EPPK1: variants seen among roughly 807,000 people sequenced by gnomAD.
EPPK1 encodes epiplakin.
For missense variants in EPPK1, 3,823 were observed against 3,673.3 expected (o/e 1.04, Z -1.05); for synonymous variants, 1,862 against 1,721.2 (o/e 1.08, Z -2.03).
rs781981460 is a variant in EPPK1 at position 143,871,063 on chromosome 8, C to T, written c.2191G>A (p.Asp731Asn). The T allele has an allele frequency of 1.7e-5, 27 of 1,612,736 alleles. No homozygotes were observed. Among genetic ancestry groups the T allele is most frequent in the East Asian group, 4.5e-5 (2 of 44,874 alleles). Residue 731 changes from aspartate (D) to asparagine (N), a missense_variant, in exon 2 of 2, where the codon GAC (aspartate) becomes AAC (asparagine). Coordinates refer to ENST00000615648, the MANE Select transcript of EPPK1 (RefSeq NM_031308.4). ...EAQIATGGVIDPVHSHRVPVD... is the reference protein window; with the variant it reads ...EAQIATGGVINPVHSHRVPVD... ...GGCACGCGGTGGCTGTGCACGGGGTCGATGACGCCGCCCGTGGCGATCTGG... is the reference window on the plus strand; with the variant it reads ...GGCACGCGGTGGCTGTGCACGGGGTTGATGACGCCGCCCGTGGCGATCTGG...
rs1819151493 is a variant in EPPK1 at position 143,867,142 on chromosome 8, T to C, written c.6112A>G (p.Lys2038Glu). The change falls in exon 2 of 2, where the codon AAG becomes GAG. Residue 2038 changes from lysine (K) to glutamate (E), a missense_variant. Lys to Glu is a moderately conservative substitution (Grantham distance 56). Transcript: ENST00000615648. ...TCGGAAATGAGCGCATAGATGTCCT[T>C]GTGCAGACAGCCCCGTCTGTAGGCT... ...ETAYRRGCLH[K>E]DIYALISDQK... 1.2e-6 allele frequency: 2 copies of C among 1,612,820 alleles called. No individual in the cohort carries two copies. The highest frequency in any genetic ancestry group is 1.7e-6 in the Non-Finnish European group (2 of 1,179,716).
chr8:143,874,013 G>A lies in EPPK1; in HGVS notation c.-45-715C>T, dbSNP rs138803862. Among the ~76,000 whole-genome samples the A allele has an allele frequency of 2.7e-3, 408 of 152,290 alleles. 1 individual carries two copies. Among genetic ancestry groups the A allele is most frequent in the Non-Finnish European group, 4.2e-3 (284 of 68,026 alleles). ...TGGATCTCACATCTGCGAGCACCACGGCCTCTGGGCTATTGCCCCTCTGAG... is the reference window on the plus strand; with the variant it reads ...TGGATCTCACATCTGCGAGCACCACAGCCTCTGGGCTATTGCCCCTCTGAG... On this transcript the variant is annotated intron_variant, in intron 1 of 1. Coordinates refer to ENST00000615648, the MANE Select transcript of EPPK1 (RefSeq NM_031308.4).
chr8:143,870,029 T>C lies in EPPK1; in HGVS notation c.3225A>G (p.Thr1075=). 6.2e-7 allele frequency: 1 copy of C among 1,611,054 alleles called. No homozygotes were observed. Among genetic ancestry groups the C allele is most frequent in the Middle Eastern group, 1.7e-4 (1 of 6,056 alleles). ...AGGTTTCGGAGGAGCTGGACAAGGC[T>C]GTCTCCATCTCCTGGTCAACATAGC... ...QRGYVDQEME[T]ALSSSSETFP... Residue 1075 remains threonine (T), a synonymous_variant, in exon 2 of 2, where the codon ACA becomes ACG. Coordinates refer to ENST00000615648, the MANE Select transcript of EPPK1 (RefSeq NM_031308.4). This position sits in a 1 kb window ranked among gnomAD's most constrained non-coding sequence, Gnocchi z 5.2.
rs782812456 is a variant in EPPK1, at chr8:143,873,044, G to A, written c.210C>T (p.Leu70=). Residue 70 remains leucine (L), a synonymous_variant, in exon 2 of 2, where the codon CTC becomes CTT. Coordinates refer to ENST00000615648, the MANE Select transcript of EPPK1 (RefSeq NM_031308.4). ...AMEQGLLPAG[L]GQALLEAQAA... ...CCTGGGCCTCTAGCAGAGCCTGCCC[G>A]AGCCCAGCAGGCAGGAGGCCCTGCT... 9.0e-6 allele frequency: 14 copies of A among 1,564,054 alleles called. No individual in the cohort carries two copies. Among genetic ancestry groups the A allele is most frequent in the South Asian group, 2.3e-5 (2 of 86,344 alleles).
At chr8:143,874,418 G>A (rs998457781) in intron 1 of EPPK1, among the ~76,000 whole-genome samples, 3 of 152,274 alleles carry the variant, frequency 2.0e-5, no homozygotes, top group Non-Finnish European at 4.4e-5. Context: ...TACCGGGCTA[G>A]GATTGGCTGT....
rs377572699 is a variant in EPPK1, at chr8:143,868,154, G to A, written c.5100C>T (p.Pro1700=). 71 of 1,613,146 alleles carry A rather than the reference G, an allele frequency of 4.4e-5. No individual in the cohort carries two copies. The highest frequency in any genetic ancestry group is 3.6e-4 in the East Asian group (16 of 44,880). Residue 1700 remains proline, a synonymous_variant, in exon 2 of 2, where the codon CCC becomes CCT. Coordinates refer to ENST00000615648, the MANE Select transcript of EPPK1 (RefSeq NM_031308.4). The part of the protein sequence containing the change: ...IIDPVHSHRV[P]VDVAYRCGYF... ...AGCCGCAGCGGTAGGCCACGTCCAC[G>A]GGCACGCGGTGGCTGTGCACGGGGT...
At position 143,868,165 on chromosome 8, in the gene EPPK1, G is replaced by T; in HGVS notation, c.5089C>A (p.His1697Asn). 1.2e-6 allele frequency: 2 copies of T among 1,613,090 alleles called. No individual in the cohort carries two copies. The highest frequency in any genetic ancestry group is 1.7e-6 in the Non-Finnish European group (2 of 1,180,010). ...TAGGCCACGTCCACGGGCACGCGGT[G>T]GCTGTGCACGGGGTCGATGATGCCG... ...TGGIIDPVHS[H>N]RVPVDVAYRC... Residue 1697 changes from histidine to asparagine, a missense_variant, in exon 2 of 2, where the codon CAC (histidine) becomes AAC (asparagine). Physicochemically the swap from His to Asn is moderately conservative, Grantham distance 68. Transcript: ENST00000615648.
chr8:143,872,200 G>A lies in EPPK1; in HGVS notation c.1054C>T (p.Leu352Phe). 6.2e-7 allele frequency: 1 copy of A among 1,605,654 alleles called. No homozygotes were observed. The highest frequency in any genetic ancestry group is 1.1e-5 in the South Asian group (1 of 89,900). The change falls in exon 2 of 2, where the codon CTC becomes TTC. Residue 352 changes from leucine (L) to phenylalanine (F), a missense_variant. Physicochemically the swap from Leu to Phe is conservative, Grantham distance 22 (BLOSUM62 0). Transcript: ENST00000615648. ...AVRAGLVSPE[L>F]HEQLLVAEQA... ...TCGGCCACCAGGAGCTGCTCATGGA[G>A]CTCTGGGCTGACCAGGCCCGCCCTG...
chr8:143,874,172 G>A (rs768816267), intron 1 of EPPK1, among the ~76,000 whole-genome samples: 10 of 152,160 alleles, frequency 6.6e-5, no homozygotes, highest in Non-Finnish European at 1.3e-4. Context: ...CATGCCCTGC[G>A]CCAACCCCTT....
chr8:143,879,021 C>T (rs1328202723), upstream of EPPK1, among the ~76,000 whole-genome samples: 1 of 152,198 alleles, frequency 6.6e-6, no homozygotes, highest in Non-Finnish European at 1.5e-5. Context: ...CACCTGGGCA[C>T]AGAGAATGTT....
At position 143,869,233 on chromosome 8, in the gene EPPK1, C is replaced by T. The variant is rs1819250614; in HGVS notation, c.4021G>A (p.Ala1341Thr). Residue 1341 changes from alanine (A) to threonine (T), a missense_variant, in exon 2 of 2, where the codon GCC becomes ACC. Ala to Thr is a moderately conservative substitution (Grantham distance 58). Transcript: ENST00000615648. ...TGTGGCACGAGCCCCTTCTCCATGG[C>T]CTGCCACAGAGAGAGGGAGGCCCTA... ...YSRASLSLWQAMEKGLVPQNE... is the reference protein window; with the variant it reads ...YSRASLSLWQTMEKGLVPQNE... 3 of 1,610,766 alleles carry T rather than the reference C, an allele frequency of 1.9e-6. No individual in the cohort carries two copies. The highest frequency in any genetic ancestry group is 1.7e-5 in the Admixed American group (1 of 59,960).
chr8:143,877,398 G>C (rs545057821), intron 1 of EPPK1, among the ~76,000 whole-genome samples: 2 of 152,204 alleles, frequency 1.3e-5, no homozygotes, highest in South Asian at 4.1e-4. Context: ...AGGAGAGCAC[G>C]GGGTCAGGGT....
At position 143,868,365 on chromosome 8, in the gene EPPK1, T is replaced by C. The variant is rs1373854729; in HGVS notation, c.4889A>G (p.Lys1630Arg). 3 of 1,612,768 alleles carry C rather than the reference T, an allele frequency of 1.9e-6. No homozygotes were observed. Among genetic ancestry groups the C allele is most frequent in the African/African-American group, 1.3e-5 (1 of 74,916 alleles). The change falls in exon 2 of 2, where the codon AAA becomes AGA. Residue 1630 changes from lysine (K) to arginine (R), a missense_variant. Coordinates refer to ENST00000615648, the MANE Select transcript of EPPK1 (RefSeq NM_031308.4). ...GGTTTCTTTCCCGAACATTCCTGCT[T>C]TGAACGCCTCCTCCACGGTCAGCTT... ...NRKLTVEEAF[K>R]AGMFGKETYV...
At position 143,873,008 on chromosome 8, in the gene EPPK1, C is replaced by A; in HGVS notation, c.246G>T (p.Gly82=). The A allele has an allele frequency of 6.3e-7, 1 of 1,576,118 alleles. No homozygotes were observed. The highest frequency in any genetic ancestry group is 8.6e-7 in the Non-Finnish European group (1 of 1,160,806). ...GGCCCCGGGCGAGGTCCACCAGGCC[C>A]CCAGTGGCTGCCTGGGCCTCTAGCA... ...QALLEAQAAT[G]GLVDLARGQL... is the part of the protein sequence containing the mutation. Residue 82 remains glycine, a synonymous_variant, in exon 2 of 2, where the codon GGG becomes GGT. Transcript: ENST00000615648.
At position 143,867,737 on chromosome 8, in the gene EPPK1, C is replaced by G; in HGVS notation, c.5517G>C (p.Glu1839Asp). Residue 1839 changes from glutamate to aspartate, a missense_variant, in exon 2 of 2, where the codon GAG becomes GAC. Transcript: ENST00000615648. Reference protein sequence around the residue: ...EIITTTIEETETQNQGIKVAA... With the variant: ...EIITTTIEETDTQNQGIKVAA... ...CCACTTTGATGCCTTGGTTTTGCGT[C>G]TCTGTTTCTTCAATTGTCGTGGTGA... The G allele has an allele frequency of 6.2e-7, 1 of 1,613,776 alleles. No homozygotes were observed. Among genetic ancestry groups the G allele is most frequent in the Non-Finnish European group, 8.5e-7 (1 of 1,179,878 alleles).
At position 143,870,783 on chromosome 8, in the gene EPPK1, C is replaced by A. The variant is rs1819318732; in HGVS notation, c.2471G>T (p.Gly824Val). ...FQNLLLSVKY[G>V]RFQGQRVSAW... ...GGAGACCCTCTGCCCCTGAAACCGTCCATACTTCACGGAGAGCAGCAGGTT... is the reference window on the plus strand; with the variant it reads ...GGAGACCCTCTGCCCCTGAAACCGTACATACTTCACGGAGAGCAGCAGGTT... The change falls in exon 2 of 2, where the codon GGA becomes GTA. Residue 824 changes from glycine to valine, a missense_variant. Transcript: ENST00000615648. This position sits in a 1 kb window ranked among gnomAD's most constrained non-coding sequence, Gnocchi z 5.2. 1 of 1,612,708 alleles carries A rather than the reference C, an allele frequency of 6.2e-7. No individual in the cohort carries two copies.
chr8:143,867,518 G>A lies in EPPK1; in HGVS notation c.5736C>T (p.Ser1912=), dbSNP rs1819171538. 6.2e-7 allele frequency: 1 copy of A among 1,612,534 alleles called. No individual in the cohort carries two copies. Among genetic ancestry groups the A allele is most frequent in the Admixed American group, 1.7e-5 (1 of 59,986 alleles). ...VTVPSTREVM[S]LHEASRKELI... ...GCTCCTTCCTGCTGGCCTCATGGAG[G>A]CTCATGACCTCCCTGGTGGAGGGCA... Residue 1912 remains serine, a synonymous_variant, in exon 2 of 2, where the codon AGC becomes AGT. Transcript: ENST00000615648.
chr8:143,872,699 C>T lies in EPPK1; in HGVS notation c.555G>A (p.Trp185Ter). 2 of 1,601,072 alleles carry T rather than the reference C, an allele frequency of 1.2e-6. No individual in the cohort carries two copies. Among genetic ancestry groups the T allele is most frequent in the South Asian group, 2.2e-5 (2 of 89,900 alleles). ...CHQGLLDRET[W>*]HKLSELEPGT... ...CAGGCTCAAGCTCTGACAGCTTGTG[C>T]CATGTCTCCCGGTCCAGGAGGCCCT... Residue 185 changes from tryptophan to a stop codon, truncating the protein, a stop_gained, in exon 2 of 2, where the codon TGG becomes TGA. Transcript: ENST00000615648. LOFTEE classifies it low-confidence loss of function (END_TRUNC).
Position 143,870,070 on chromosome 8 carries a change from C to A in EPPK1, c.3184G>T (p.Val1062Leu). ...PTSHHHLPMP[V>L]AIQRGYVDQE... ...TCAACATAGCCACGCTGAATGGCCA[C>A]TGGCATGGGGAGGTGGTGGTGGCTG... Residue 1062 changes from valine to leucine, a missense_variant, in exon 2 of 2, where the codon GTG becomes TTG. Val to Leu is a conservative substitution (Grantham distance 32). Coordinates refer to ENST00000615648, the MANE Select transcript of EPPK1 (RefSeq NM_031308.4). The surrounding 1 kb of genome is among the most constrained non-coding windows in gnomAD (Gnocchi z 5.2). 1 of 1,610,640 alleles carries A rather than the reference C, an allele frequency of 6.2e-7. No homozygotes were observed. Among genetic ancestry groups the A allele is most frequent in the Non-Finnish European group, 8.5e-7 (1 of 1,178,898 alleles).
Sources: allele counts gnomAD v4.1 joint callset (sites outside exome capture counted in the v4.1 genomes callset), GRCh38; gene constraint gnomAD v4.1.1; non-coding constraint Gnocchi (gnomAD v3.1); transcripts MANE v1.5; gene names NCBI Gene and HGNC (gene_info 2026-07-23, HGNC 2026-07-21).